The following SERPINE2 variants were observed in gnomAD, a reference collection of about 807,000 sequenced individuals.
SERPINE2 encodes the protein serpin family E member 2.
Under a neutral mutation model 36.3 loss-of-function variants are expected in SERPINE2, and 14 were observed. The ratio of observed to expected loss-of-function variants is 0.39; its 90% CI spans 0.25 to 0.60. SERPINE2 has a LOEUF of 0.60. Among genes scored for constraint, SERPINE2 ranks in the 20% least tolerant of loss-of-function variants. The pLI is 0.57. For synonymous variants in SERPINE2, 192 were observed against 191.8 expected, an observed-to-expected ratio of 1.00 and a Z score of -0.01; for missense variants, 418 against 499.6, an observed-to-expected ratio of 0.84 and a Z score of 1.56.
Position 224,028,453 on chromosome 2 carries a change from A to T in SERPINE2, c.-23+10646T>A, listed in dbSNP as rs142173103. Among the ~76,000 whole-genome samples the T allele has an allele frequency of 4.2e-3, 644 of 152,336 alleles. 5 individuals are homozygous for T. The highest frequency in any genetic ancestry group is 0.015 in the African/African-American group (620 of 41,574). Reference sequence around the variant, plus strand: ...CCTCTAAACTCATCCTCTGCCCAGCAATGCTCTGACCTTCAATCTGTGAGG... The same window carrying T: ...CCTCTAAACTCATCCTCTGCCCAGCTATGCTCTGACCTTCAATCTGTGAGG... On this transcript the variant is annotated intron_variant, in intron 1 of 8. Transcript: ENST00000409304.
At chr2:224,003,909 G>A (rs769051592) in intron 1 of SERPINE2, among the ~76,000 whole-genome samples, 7 of 152,188 alleles carry the variant, frequency 4.6e-5, no homozygotes, top group South Asian at 2.1e-4. Context: ...CTGGAGGGAG[G>A]GGGAAATCAT....
At chr2:224,015,638 G>C (rs950637516) in intron 1 of SERPINE2, among the ~76,000 whole-genome samples, 8 of 152,194 alleles carry the variant, frequency 5.3e-5, no homozygotes, top group Non-Finnish European at 1.0e-4. Context: ...ACAGAAACTG[G>C]AAGAATCATT....
chr2:223,982,829 G>T, intron 5 of SERPINE2, 48 bp from the exon 6 acceptor site: 1 of 1,350,100 alleles, frequency 7.4e-7, no homozygotes, highest in Non-Finnish European at 1.1e-6. Context: ...GGCTATAAAT[G>T]CTACATGATA....
chr2:224,032,759 GT>G (rs1488185710), intron 1 of SERPINE2, among the ~76,000 whole-genome samples: 1 of 152,182 alleles, frequency 6.6e-6, no homozygotes, highest in Non-Finnish European at 1.5e-5. Flanking sequence ...TTGAACTAGG[GT>G]GTCCACCCCA....
rs138954857 is a variant in SERPINE2, at chr2:224,001,690, C to G, written c.211G>C (p.Gly71Arg). The part of the protein sequence containing the change: ...VLGMLQLGAD[G>R]RTKKQLAMVM... ...ATGGCGAGCTGCTTCTTGGTCCTGC[C>G]GTCCGCCCCCAGCTGAAGCATCCCC... Residue 71 changes from glycine (G) to arginine (R), a missense_variant, in exon 2 of 9, where the codon GGC becomes CGC. Physicochemically the swap from Gly to Arg is moderately radical, Grantham distance 125 (BLOSUM62 -2). Coordinates refer to ENST00000409304, the MANE Select transcript of SERPINE2 (RefSeq NM_001136528.2). The G allele has an allele frequency of 6.2e-6, 10 of 1,614,012 alleles. No individual in the cohort carries two copies. Among genetic ancestry groups the G allele is most frequent in the Non-Finnish European group, 7.6e-6 (9 of 1,180,052 alleles).
chr2:223,980,931 C>T (rs1690207392), intron 6 of SERPINE2: 3 of 152,816 alleles, frequency 2.0e-5, no homozygotes, highest in Admixed American at 1.3e-4. Flanking sequence ...AGAAGAGTGT[C>T]GAACAAGAGA....
intron 1 of SERPINE2, among the ~76,000 whole-genome samples, chr2:224,012,078 T>C (rs1691644752): frequency 6.6e-6 from 1 of 152,232 alleles, no homozygotes; most frequent in Admixed American, 6.5e-5. Flanking sequence ...AGCCATTGAC[T>C]ACTGGTCTGC....
At chr2:224,018,053 A>G (rs1337434444) in intron 1 of SERPINE2, among the ~76,000 whole-genome samples, 1 of 152,174 alleles carries the variant, frequency 6.6e-6, no homozygotes, top group African/African-American at 2.4e-5. Flanking sequence ...AGACTTTCAC[A>G]TCTGGTCACA....
chr2:223,995,971 A>C (rs1369833481), intron 3 of SERPINE2, among the ~76,000 whole-genome samples: 1 of 152,210 alleles, frequency 6.6e-6, no homozygotes, highest in African/African-American at 2.4e-5. Context: ...CACTGTCTCA[A>C]ATTTTTAAAA....
At position 224,005,988 on chromosome 2, in the gene SERPINE2, A is replaced by T. The variant is rs550708570; in HGVS notation, c.-22-4066T>A. Among the ~76,000 whole-genome samples, 51 of 152,314 alleles carry T rather than the reference A, an allele frequency of 3.3e-4. No individual in the cohort carries two copies. In the South Asian group the frequency reaches 0.01, roughly 30 times the overall value. ...AACCTTTCTCCTTTCCAATACGGGG[A>T]ATGTTTATGAAATAGCTGGGTACTG... On this transcript the variant is annotated intron_variant, in intron 1 of 8. Coordinates refer to ENST00000409304, the MANE Select transcript of SERPINE2 (RefSeq NM_001136528.2).
In SERPINE2 at chr2:224,019,390, A is replaced by G. The variant is rs185004060; in HGVS notation, c.-22-17468T>C. ...AGACTGCAGGTAACTTAGGCCACCA[A>G]TAAGGTGGAGACTACAGTGCCCTGT... On this transcript the variant is annotated intron_variant, in intron 1 of 8. Coordinates refer to ENST00000409304, the MANE Select transcript of SERPINE2 (RefSeq NM_001136528.2). 3.5e-3 allele frequency among the ~76,000 whole-genome samples: 532 copies of G among 152,322 alleles called. 3 individuals carry two copies. The highest frequency in any genetic ancestry group is 0.012 in the African/African-American group (492 of 41,568).
intron 1 of SERPINE2, among the ~76,000 whole-genome samples, chr2:224,028,848 A>G (rs1473651369): frequency 1.3e-5 from 2 of 152,228 alleles, no homozygotes; most frequent in Non-Finnish European, 2.9e-5. Context: ...CAGGTTCCTA[A>G]CAGGGCAGAG....
At chr2:224,018,021 G>A (rs898127055) in intron 1 of SERPINE2, among the ~76,000 whole-genome samples, 1 of 152,200 alleles carries the variant, frequency 6.6e-6, no homozygotes, top group African/African-American at 2.4e-5. Context: ...GGAGTCAAGG[G>A]TCTCTAGTAT....
At chr2:224,029,478 C>T (rs1039951327) in intron 1 of SERPINE2, among the ~76,000 whole-genome samples, 6 of 152,176 alleles carry the variant, frequency 3.9e-5, no homozygotes, top group Admixed American at 6.5e-5. Context: ...TGCATATTGA[C>T]GGAATCAAAT....
intron 1 of SERPINE2, chr2:224,013,898 T>C (rs1045155140): frequency 6.6e-6 from 1 of 152,288 alleles, no homozygotes; most frequent in African/African-American, 2.4e-5. Context: ...AGTGTGTGCA[T>C]GTCCACCTCC....
In SERPINE2 at chr2:224,001,744, T is replaced by C. The variant is rs1169153905; in HGVS notation, c.157A>G (p.Ile53Val). ...VKSRPHDNIV[I>V]SPHGIASVLG... ...ACCGACGCAATCCCATGGGGAGAGA[T>C]CACGATGTTGTCATGAGGCCTCGAC... Residue 53 changes from isoleucine (I) to valine (V), a missense_variant, in exon 2 of 9, where the codon ATC becomes GTC. By Grantham distance (29) the Ile-to-Val change is conservative (BLOSUM62 3). Transcript: ENST00000409304. The C allele has an allele frequency of 3.5e-5, 57 of 1,613,918 alleles. No individual in the cohort carries two copies. Among genetic ancestry groups the C allele is most frequent in the Non-Finnish European group, 4.7e-5 (56 of 1,180,020 alleles).
At chr2:224,031,146 C>T in intron 1 of SERPINE2, 2 of 985,440 alleles carry the variant, frequency 2.0e-6, no homozygotes, top group South Asian at 4.7e-5. Flanking sequence ...TCCATGGTAT[C>T]AGCTCACGGT....
chr2:223,988,894 C>T (rs1030550312), intron 4 of SERPINE2, among the ~76,000 whole-genome samples: 14 of 152,104 alleles, frequency 9.2e-5, no homozygotes, highest in African/African-American at 3.4e-4. Flanking sequence ...AAAAAGTTGT[C>T]CACTCTCTAA....
chr2:224,031,018 T>C, intron 1 of SERPINE2: 1 of 985,454 alleles, frequency 1.0e-6, no homozygotes, highest in Non-Finnish European at 1.2e-6. Context: ...GTTTTGGTTG[T>C]GATACTAGGG....
Sources: allele counts gnomAD v4.1 joint callset (sites outside exome capture counted in the v4.1 genomes callset), GRCh38; gene constraint gnomAD v4.1.1; transcripts MANE v1.5; gene names NCBI Gene and HGNC (gene_info 2026-07-23, HGNC 2026-07-21).